DOCK10: variants seen among roughly 807,000 people sequenced by gnomAD.
The protein encoded by DOCK10 is dedicator of cytokinesis 10.
A neutral mutation model predicts 280.1 loss-of-function variants in DOCK10; 145 were observed. That is an observed-to-expected ratio of 0.52 (90% CI 0.45 to 0.59). The LOEUF (loss-of-function observed/expected upper bound fraction) is 0.59, where lower values mean the gene tolerates loss of function less well. Ranked by LOEUF, DOCK10 falls within the 20% of genes least tolerant of loss-of-function variation. DOCK10 has a pLI of 0.00. For synonymous variants in DOCK10, 915 were observed against 942.2 expected (o/e 0.97, Z 0.53); for missense variants, 2,368 against 2,651.7 (o/e 0.89, Z 2.35).
In DOCK10 at chr2:224,807,882, T is replaced by C. The variant is rs754067120; in HGVS notation, c.3585+29A>G. 4 of 1,601,278 alleles carry C rather than the reference T, an allele frequency of 2.5e-6. No individual in the cohort carries two copies. In the South Asian group the frequency reaches 4.4e-5, roughly 18 times the overall value. The stretch of plus-strand genomic sequence containing the variant: ...ATGCAGTGAGCCATTAAATGGTGTT[T>C]AGGGAAGGGAGAAAGGAAGATCACT... On this transcript the variant is annotated intron_variant, in intron 32 of 55. Coordinates refer to ENST00000258390, the MANE Select transcript of DOCK10 (RefSeq NM_014689.3).
chr2:224,849,967 A>G (rs1696623322), intron 18 of DOCK10, among the ~76,000 whole-genome samples: 1 of 152,186 alleles, frequency 6.6e-6, no homozygotes. Flanking sequence ...TCAGTGGCCA[A>G]TAAGACCCTA....
chr2:224,990,533 A>G (rs1422995636), intron 1 of DOCK10, among the ~76,000 whole-genome samples: 2 of 152,192 alleles, frequency 1.3e-5, no homozygotes, highest in Non-Finnish European at 2.9e-5. Context: ...GGAAAAGAGA[A>G]AATCTAAGGA....
chr2:224,827,839 C>A (rs779386892), intron 27 of DOCK10, among the ~76,000 whole-genome samples: 1 of 152,124 alleles, frequency 6.6e-6, no homozygotes, highest in African/African-American at 2.4e-5. Flanking sequence ...GATTAAAGGT[C>A]CAGCAAGCCA....
chr2:224,940,111 G>A lies in DOCK10; in HGVS notation c.124-8443C>T, dbSNP rs114558176. ...AAGACCCATTCAACGCTTTCCTGCCGAACTCTGAATCTTGAGTGGAAGGAT... is the reference window on the plus strand; with the variant it reads ...AAGACCCATTCAACGCTTTCCTGCCAAACTCTGAATCTTGAGTGGAAGGAT... On this transcript the variant is annotated intron_variant, in intron 1 of 55. Transcript: ENST00000258390. Among the ~76,000 whole-genome samples, 829 of 152,246 alleles carry A rather than the reference G, an allele frequency of 5.4e-3. 7 individuals carry two copies. Among genetic ancestry groups the A allele is most frequent in the Non-Finnish European group, 9.3e-3 (636 of 68,022 alleles).
At chr2:224,865,855 TCACA>T (rs375471540) in intron 11 of DOCK10, among the ~76,000 whole-genome samples, 1 of 148,446 alleles carries the variant, frequency 6.7e-6, no homozygotes, top group African/African-American at 2.5e-5. Context: ...TCTCTCTCTC[TCACA>T]CACACACACA....
At chr2:225,007,355 CTGT>C (rs1212600049) in intron 1 of DOCK10, among the ~76,000 whole-genome samples, 4 of 152,114 alleles carry the variant, frequency 2.6e-5, no homozygotes, top group Non-Finnish European at 5.9e-5. Context: ...TAAATAAAAC[CTGT>C]AAATAGTCCA....
chr2:224,773,479 A>C, intron 52 of DOCK10, 132 bp from the exon 53 acceptor site: 1 of 780,756 alleles, frequency 1.3e-6, no homozygotes, highest in Non-Finnish European at 2.0e-6. Context: ...CTTTTCATGC[A>C]TGGGAGTTAC....
chr2:224,922,739 G>A (rs936640810), intron 2 of DOCK10, among the ~76,000 whole-genome samples: 1 of 152,152 alleles, frequency 6.6e-6, no homozygotes, highest in Admixed American at 6.6e-5. Flanking sequence ...ATTGGCCAAA[G>A]GTCACTGTAA....
chr2:225,026,270 A>G (rs1272397888), intron 1 of DOCK10, among the ~76,000 whole-genome samples: 1 of 152,190 alleles, frequency 6.6e-6, no homozygotes, highest in Non-Finnish European at 1.5e-5. Flanking sequence ...TGAGGGCAAT[A>G]ATCAAGAACA....
intron 51 of DOCK10, among the ~76,000 whole-genome samples, chr2:224,776,455 CTG>C (rs1690871655): frequency 6.6e-6 from 1 of 152,128 alleles, no homozygotes; most frequent in Non-Finnish European, 1.5e-5. Context: ...CCCAGGAACT[CTG>C]TGTATACTTT....
intron 39 of DOCK10, among the ~76,000 whole-genome samples, chr2:224,802,329 G>A (rs1693070922): frequency 6.6e-6 from 1 of 152,090 alleles, no homozygotes; most frequent in African/African-American, 2.4e-5. Flanking sequence ...TGAAATAATG[G>A]GATTCTGTGA....
intron 2 of DOCK10, among the ~76,000 whole-genome samples, chr2:224,921,589 T>C (rs1004122212): frequency 1.3e-5 from 2 of 152,178 alleles, no homozygotes; most frequent in African/African-American, 2.4e-5. Context: ...AAAATGATGT[T>C]GACTTTTTAC....
intron 4 of DOCK10, among the ~76,000 whole-genome samples, chr2:224,890,312 C>G (rs140093660): frequency 1.4e-3 from 210 of 152,220 alleles, no homozygotes; most frequent in African/African-American, 4.6e-3. Flanking sequence ...TACTTATAAA[C>G]AAGGAGGAGA....
intron 1 of DOCK10, among the ~76,000 whole-genome samples, chr2:225,018,045 CA>C (rs1331500639): frequency 6.6e-6 from 1 of 152,172 alleles, no homozygotes; most frequent in African/African-American, 2.4e-5. Flanking sequence ...AGGTGTCCCA[CA>C]ACTCCTGCTT....
intron 4 of DOCK10, among the ~76,000 whole-genome samples, chr2:224,889,242 T>G (rs919692096): frequency 6.6e-6 from 1 of 152,222 alleles, no homozygotes; most frequent in Non-Finnish European, 1.5e-5. Context: ...GACTTAAGTA[T>G]GCATAAAATT....
intron 1 of DOCK10, among the ~76,000 whole-genome samples, chr2:224,976,215 C>T (rs1444674073): frequency 4.0e-5 from 6 of 151,508 alleles, no homozygotes; most frequent in African/African-American, 1.5e-4. Context: ...AGGGGAACAT[C>T]ACACACCAGG....
chr2:224,910,570 A>G (rs1361426821), intron 3 of DOCK10, among the ~76,000 whole-genome samples: 1 of 152,234 alleles, frequency 6.6e-6, no homozygotes, highest in Non-Finnish European at 1.5e-5. Context: ...TAATGATGAT[A>G]ATAACAAACA....
At chr2:224,807,475 A>C (rs1693468950) in intron 33 of DOCK10, 193 bp downstream of exon 33, 1 of 464,294 alleles carries the variant, frequency 2.2e-6, no homozygotes, top group African/African-American at 2.0e-5. Context: ...AAAATGCTGA[A>C]GGGTGGATCA....
chr2:224,988,462 G>A (rs1322785138), intron 1 of DOCK10, among the ~76,000 whole-genome samples: 1 of 152,110 alleles, frequency 6.6e-6, no homozygotes, highest in Non-Finnish European at 1.5e-5. Context: ...TTTATGCATC[G>A]GGATACATGT....
Sources: gnomAD v4.1 joint callset for allele counts (sites outside exome capture counted in the v4.1 genomes callset) on GRCh38, gnomAD v4.1.1 for gene constraint, MANE v1.5 for transcripts, NCBI Gene and HGNC (gene_info 2026-07-23, HGNC 2026-07-21) for gene names.